The following YIPF1 variants were observed in gnomAD, a reference collection of about 807,000 sequenced individuals.
YIPF1 encodes protein YIPF1.
Under a neutral mutation model 37.0 loss-of-function variants are expected in YIPF1, and 22 were observed. The ratio of observed to expected loss-of-function variants is 0.59; its 90% CI spans 0.42 to 0.85. YIPF1 has a LOEUF of 0.85. Ranked by LOEUF, YIPF1 falls within the 40% of genes least tolerant of loss-of-function variation. The pLI, the probability that YIPF1 is intolerant of heterozygous loss-of-function variation, is 0.00. For synonymous variants in YIPF1, 128 were observed against 131.9 expected (o/e 0.97, Z 0.21); for missense variants, 355 against 373.1 (o/e 0.95, Z 0.40).
In YIPF1 at chr1:53,866,826, CG is replaced by C; in HGVS notation, c.579del (p.Ile193MetfsTer38). ...LMWRNSKVMN[I>X]VSYSFLEIVC... ...ACAATCTCCAGAAATGAATAGGAGA[CG>C]ATGTTCATAACTTTGCTGTTTCTCC... On this transcript the variant is annotated frameshift_variant, in exon 8 of 11. Coordinates refer to ENST00000072644, the MANE Select transcript of YIPF1 (RefSeq NM_018982.5). LOFTEE classifies it high-confidence loss of function. 6.2e-7 allele frequency: 1 copy of C among 1,614,094 alleles called. No homozygotes were observed. The highest frequency in any genetic ancestry group is 8.5e-7 in the Non-Finnish European group (1 of 1,180,008).
intron 8 of YIPF1, 40 bp from the exon 9 acceptor site, chr1:53,866,422 G>A (rs1650026446): frequency 1.9e-6 from 3 of 1,598,434 alleles, no homozygotes; most frequent in South Asian, 1.1e-5. Flanking sequence ...GTTCTTGGGA[G>A]GCATTTGTTC....
chr1:53,855,665 C>T (rs1649701091), intron 10 of YIPF1, among the ~76,000 whole-genome samples: 1 of 152,172 alleles, frequency 6.6e-6, no homozygotes, highest in Admixed American at 6.5e-5. Flanking sequence ...AGCAACATGC[C>T]ACACAGGTTT....
At chr1:53,864,867 T>C (rs1361794254) in intron 9 of YIPF1, among the ~76,000 whole-genome samples, 3 of 152,230 alleles carry the variant, frequency 2.0e-5, no homozygotes, top group African/African-American at 7.2e-5. Flanking sequence ...TTAAGTGCTT[T>C]ATAGATATCA....
At chr1:53,860,288 T>A in intron 9 of YIPF1, 135 bp from the exon 10 acceptor site, 1 of 757,844 alleles carries the variant, frequency 1.3e-6, no homozygotes, top group Non-Finnish European at 2.1e-6. Flanking sequence ...GCCATCACAC[T>A]AAACTACAAC....
In YIPF1 at chr1:53,870,160, C is replaced by CTCTTTTTTTTTTTT. The variant is rs1557605849; in HGVS notation, c.481+1211_481+1212insAAAAAAAAAAAAGA. Among the ~76,000 whole-genome samples the CTCTTTTTTTTTTTT allele has an allele frequency of 3.8e-4, 35 of 91,212 alleles. 7 individuals carry two copies. Among genetic ancestry groups the CTCTTTTTTTTTTTT allele is most frequent in the African/African-American group, 1.5e-3 (34 of 22,612 alleles). The allele number at this position is 91,212 out of a possible 152,430, so 59.8% of individuals were successfully genotyped here. ...AGGCTTGAGCCACCGCACCGGGTCT[C>CTCTTTTTTTTTTTT]TTTTTTTTTTTTTTTTTTTTTTTTT... On this transcript the variant is annotated intron_variant, in intron 7 of 10. Transcript: ENST00000072644.
At chr1:53,875,210 C>G (rs1002184890) in intron 6 of YIPF1, among the ~76,000 whole-genome samples, 2 of 152,154 alleles carry the variant, frequency 1.3e-5, no homozygotes, top group Non-Finnish European at 2.9e-5. Context: ...TTCATGAAAT[C>G]TGACTTAGAG....
intron 7 of YIPF1, among the ~76,000 whole-genome samples, chr1:53,868,503 C>T (rs937603508): frequency 2.0e-5 from 3 of 152,072 alleles, no homozygotes; most frequent in African/African-American, 7.2e-5. Flanking sequence ...TGTAGAAGAG[C>T]GACTGATCAA....
At chr1:53,877,990 C>T (rs1201902326) in intron 6 of YIPF1, among the ~76,000 whole-genome samples, 1 of 152,130 alleles carries the variant, frequency 6.6e-6, no homozygotes, top group Admixed American at 6.5e-5. Flanking sequence ...CTATGTTGCC[C>T]AGACTGGTCT....
chr1:53,859,722 T>C (rs1356480071), intron 10 of YIPF1, among the ~76,000 whole-genome samples: 1 of 152,114 alleles, frequency 6.6e-6, no homozygotes, highest in Non-Finnish European at 1.5e-5. Context: ...AGGATTGTTA[T>C]AAAATGGAAC....
At chr1:53,875,696 A>C (rs6678296) in intron 6 of YIPF1, among the ~76,000 whole-genome samples, 64,953 of 151,944 alleles carry the variant, frequency 0.43, 14,588 homozygotes, top group East Asian at 0.57. Flanking sequence ...TAGCCTCTTG[A>C]GGTTCTTTGA....
At chr1:53,858,662 T>G (rs901196729) in intron 10 of YIPF1, among the ~76,000 whole-genome samples, 3 of 152,068 alleles carry the variant, frequency 2.0e-5, no homozygotes, top group African/African-American at 7.2e-5. Context: ...AGAGACAGGT[T>G]CTCTCTCTAT....
intron 10 of YIPF1, among the ~76,000 whole-genome samples, chr1:53,855,250 A>G (rs546121610): frequency 6.6e-6 from 1 of 151,968 alleles, no homozygotes; most frequent in Admixed American, 6.6e-5. Context: ...TTATCTGCTG[A>G]TGGCCCTCCT....
chr1:53,865,564 A>T (rs1317013005), intron 9 of YIPF1, among the ~76,000 whole-genome samples: 1 of 152,088 alleles, frequency 6.6e-6, no homozygotes, highest in Non-Finnish European at 1.5e-5. Flanking sequence ...ATGCTTTGGT[A>T]TCCATAGAGG....
intron 3 of YIPF1, among the ~76,000 whole-genome samples, chr1:53,887,372 G>A (rs926630070): frequency 1.3e-5 from 2 of 151,906 alleles, no homozygotes; most frequent in Non-Finnish European, 2.9e-5. Context: ...GAGCCACTGC[G>A]CCCAGCCTGG....
chr1:53,862,096 A>G (rs1015043639), intron 9 of YIPF1, among the ~76,000 whole-genome samples: 1 of 152,208 alleles, frequency 6.6e-6, no homozygotes, highest in Admixed American at 6.5e-5. Flanking sequence ...CTTAATAACA[A>G]TCACAGCCAT....
At chr1:53,878,252 G>A in intron 6 of YIPF1, 63 bp downstream of exon 6, 1 of 1,541,346 alleles carries the variant, frequency 6.5e-7, no homozygotes, top group Admixed American at 1.8e-5. Flanking sequence ...CACATTTCCA[G>A]GCAACCCTCA....
At chr1:53,885,324 C>CA (rs1168270381) in intron 3 of YIPF1, among the ~76,000 whole-genome samples, 2 of 152,142 alleles carry the variant, frequency 1.3e-5, no homozygotes, top group East Asian at 3.8e-4. Context: ...AGTTAAAAAG[C>CA]AGTAGTTAAA....
intron 3 of YIPF1, among the ~76,000 whole-genome samples, chr1:53,885,422 C>T (rs1650618857): frequency 1.3e-5 from 2 of 152,124 alleles, no homozygotes; most frequent in African/African-American, 4.8e-5. Flanking sequence ...GCAGGAGAAT[C>T]GCTTGAACCC....
intron 3 of YIPF1, among the ~76,000 whole-genome samples, chr1:53,885,016 G>A (rs1251844881): frequency 6.6e-6 from 1 of 152,214 alleles, no homozygotes; most frequent in African/African-American, 2.4e-5. Context: ...AATTGGCAAT[G>A]TTTGGGTAGT....
Sources: gnomAD v4.1 joint callset for allele counts (sites outside exome capture counted in the v4.1 genomes callset) on GRCh38, gnomAD v4.1.1 for gene constraint, MANE v1.5 for transcripts, NCBI Gene and HGNC (gene_info 2026-07-23, HGNC 2026-07-21) for gene names.